PRKG1: variants seen among roughly 807,000 people sequenced by gnomAD.
PRKG1 encodes cGMP-dependent protein kinase 1.
A neutral mutation model predicts 88.1 loss-of-function variants in PRKG1; 35 were observed. That is an observed-to-expected ratio of 0.40 (90% CI 0.30 to 0.53). The LOEUF is 0.53. Among genes scored for constraint, PRKG1 ranks in the 20% least tolerant of loss-of-function variants. The probability of loss-of-function intolerance (pLI) is 0.59; values close to 1 mark genes in which losing one functional copy is unlikely to be tolerated. For synonymous variants in PRKG1, 303 were observed against 292.5 expected (o/e 1.04, Z -0.37); for missense variants, 540 against 839.8 (o/e 0.64, Z 4.41).
At chr10:52,035,932 G>T (rs940195877) in intron 5 of PRKG1, among the ~76,000 whole-genome samples, 5 of 152,206 alleles carry the variant, frequency 3.3e-5, no homozygotes, top group African/African-American at 1.2e-4. Flanking sequence ...CCTGGCTCTT[G>T]TGTAAGAATT....
chr10:51,049,234 C>A (rs1843531665), intron 1 of PRKG1, among the ~76,000 whole-genome samples: 1 of 152,108 alleles, frequency 6.6e-6, no homozygotes, highest in Non-Finnish European at 1.5e-5. Context: ...TTACCATGTG[C>A]CTAGGAAGAG....
chr10:51,330,880 G>A (rs900258894), intron 2 of PRKG1, among the ~76,000 whole-genome samples: 38 of 152,180 alleles, frequency 2.5e-4, no homozygotes, highest in African/African-American at 8.2e-4. Flanking sequence ...TGAGGAATTA[G>A]GTATTTATTC....
At chr10:51,267,591 G>C (rs759401277) in intron 2 of PRKG1, among the ~76,000 whole-genome samples, 2 of 152,076 alleles carry the variant, frequency 1.3e-5, no homozygotes, top group Non-Finnish European at 2.9e-5. Flanking sequence ...TATGGTGCTG[G>C]GATAACAGCA....
intron 4 of PRKG1, among the ~76,000 whole-genome samples, chr10:51,815,948 C>T (rs1839573680): frequency 6.6e-6 from 1 of 152,144 alleles, no homozygotes; most frequent in Non-Finnish European, 1.5e-5. Context: ...CTTTACCAAA[C>T]CCAGTGTGAG....
At chr10:52,270,818 T>C (rs1362859055) in intron 10 of PRKG1, among the ~76,000 whole-genome samples, 2 of 151,822 alleles carry the variant, frequency 1.3e-5, no homozygotes, top group Admixed American at 6.6e-5. Flanking sequence ...CATGTATACA[T>C]ATGTAACAAA....
At chr10:51,112,953 A>G (rs1020559979) in intron 1 of PRKG1, among the ~76,000 whole-genome samples, 1 of 152,206 alleles carries the variant, frequency 6.6e-6, no homozygotes, top group Non-Finnish European at 1.5e-5. Context: ...AGAAATTGGA[A>G]TAAAAGATTG....
intron 5 of PRKG1, among the ~76,000 whole-genome samples, chr10:52,025,645 G>T (rs1845316429): frequency 6.6e-6 from 1 of 151,726 alleles, no homozygotes; most frequent in South Asian, 2.1e-4. Context: ...GTAGATGTGT[G>T]CTGTTATTTC....
In PRKG1 at chr10:52,275,593, A is replaced by G. The variant is rs542753797; in HGVS notation, c.1403+3112A>G. 6.6e-5 allele frequency among the ~76,000 whole-genome samples: 10 copies of G among 152,212 alleles called. No individual in the cohort carries two copies. The East Asian group carries it at 7.7e-4, about 12-fold the overall frequency. On this transcript the variant is annotated intron_variant, in intron 12 of 17. Transcript: ENST00000373980. Reference sequence around the variant, plus strand: ...GTTTTGGTGACTATGGTCTTATAGTATGGTTTGAAATCAGTTAGTGTGATG... The same window carrying G: ...GTTTTGGTGACTATGGTCTTATAGTGTGGTTTGAAATCAGTTAGTGTGATG...
intron 5 of PRKG1, among the ~76,000 whole-genome samples, chr10:52,025,500 TG>T (rs1412111379): frequency 6.6e-6 from 1 of 152,176 alleles, no homozygotes; most frequent in African/African-American, 2.4e-5. Flanking sequence ...AATTAATTTT[TG>T]TATAAGGTAT....
At chr10:51,381,315 TATGGAATAAATGCATGAGGAAATG>T (rs1837096278) in intron 2 of PRKG1, among the ~76,000 whole-genome samples, 1 of 95,620 alleles carries the variant, frequency 1.0e-5, no homozygotes, top group Non-Finnish European at 2.2e-5. Flanking sequence ...ATGAAAAAAG[TATGGAATAAATGCATGAGGAAATG>T]ATGTAAATGA....
At chr10:51,525,848 T>C (rs1283250669) in intron 3 of PRKG1, among the ~76,000 whole-genome samples, 6 of 151,478 alleles carry the variant, frequency 4.0e-5, no homozygotes, top group East Asian at 1.9e-4. Flanking sequence ...TTTTTTGAGA[T>C]GCAGTCTCAT....
intron 4 of PRKG1, among the ~76,000 whole-genome samples, chr10:51,809,775 T>C (rs1369442954): frequency 6.6e-6 from 1 of 152,182 alleles, no homozygotes. Flanking sequence ...GTCATCCCTC[T>C]TGCATTAAAC....
intron 14 of PRKG1, 141 bp downstream of exon 14, chr10:52,282,457 AC>A: frequency 1.1e-6 from 1 of 873,900 alleles, no homozygotes; most frequent in Non-Finnish European, 1.6e-6. Flanking sequence ...TATACAGATG[AC>A]CAGGAATTCA....
At chr10:51,620,670 A>G (rs1054301627) in intron 3 of PRKG1, among the ~76,000 whole-genome samples, 1 of 152,036 alleles carries the variant, frequency 6.6e-6, no homozygotes, top group Non-Finnish European at 1.5e-5. Flanking sequence ...AATTACTTCC[A>G]ATGTGCCAAG....
intron 3 of PRKG1, among the ~76,000 whole-genome samples, chr10:51,579,127 G>A (rs1462245808): frequency 6.6e-6 from 1 of 151,498 alleles, no homozygotes; most frequent in Admixed American, 6.6e-5. Context: ...GACTACAGGT[G>A]CGTGCCACCA....
intron 7 of PRKG1, among the ~76,000 whole-genome samples, chr10:52,106,011 C>A (rs560102702): frequency 1.1e-4 from 17 of 152,270 alleles, no homozygotes; most frequent in African/African-American, 4.1e-4. Context: ...TCATTGTATC[C>A]TTCTTATGCC....
chr10:51,054,213 A>C (rs544164808), intron 1 of PRKG1, among the ~76,000 whole-genome samples: 34 of 152,324 alleles, frequency 2.2e-4, no homozygotes, highest in African/African-American at 8.2e-4. Flanking sequence ...TCATAGAAAA[A>C]AAAATTCCAT....
intron 3 of PRKG1, among the ~76,000 whole-genome samples, chr10:51,609,387 G>A (rs1364890894): frequency 6.6e-6 from 1 of 152,108 alleles, no homozygotes; most frequent in African/African-American, 2.4e-5. Context: ...TACACTTTTG[G>A]TGAGAATGTA....
intron 5 of PRKG1, among the ~76,000 whole-genome samples, chr10:52,025,160 C>T (rs1288125868): frequency 3.3e-5 from 5 of 152,140 alleles, no homozygotes; most frequent in Admixed American, 6.6e-5. Context: ...ATCGTTTGCC[C>T]ACTTTTTGAT....
Sources: gnomAD v4.1 joint callset for allele counts (sites outside exome capture counted in the v4.1 genomes callset) on GRCh38, gnomAD v4.1.1 for gene constraint, MANE v1.5 for transcripts, NCBI Gene and HGNC (gene_info 2026-07-23, HGNC 2026-07-21) for gene names.